Variants in SDHA observed in about 807,000 individuals in gnomAD.
The protein encoded by SDHA is succinate dehydrogenase [ubiquinone] flavoprotein subunit, mitochondrial.
In SDHA, 48 loss-of-function variants were observed where a neutral mutation model predicts 78.4. The observed-to-expected ratio is 0.61, with a 90% CI of 0.49 to 0.78. The LOEUF (loss-of-function observed/expected upper bound fraction) is 0.78, where lower values mean the gene tolerates loss of function less well. Ranked by LOEUF, SDHA falls within the 30% of genes least tolerant of loss-of-function variation. The pLI is 0.00. For missense variants in SDHA, 680 were observed against 892.7 expected (o/e 0.76, Z 3.04); for synonymous variants, 326 against 353.9 (o/e 0.92, Z 0.88).
At chr5:267,871 T>C in the SDHA span, among the ~76,000 whole-genome samples, 1 of 152,268 alleles carries the variant, frequency 6.6e-6, no homozygotes, top group East Asian at 1.9e-4. Context: ...TGGGAGATGA[T>C]CTCTCTTTTT....
intron 11 of SDHA, among the ~76,000 whole-genome samples, chr5:243,819 T>C (rs775997099): frequency 3.9e-5 from 6 of 152,084 alleles, no homozygotes; most frequent in Non-Finnish European, 7.4e-5. Flanking sequence ...GTATCAGAGG[T>C]ACTCTGCATA....
chr5:247,431 A>C (rs1736531200), intron 11 of SDHA, among the ~76,000 whole-genome samples: 1 of 152,242 alleles, frequency 6.6e-6, no homozygotes, highest in Admixed American at 6.5e-5. Context: ...CCTAGTTGCT[A>C]CTGCAATATC....
intron 1 of SDHA, among the ~76,000 whole-genome samples, chr5:222,914 C>T (rs775983203): frequency 2.6e-5 from 4 of 152,160 alleles, no homozygotes; most frequent in South Asian, 2.1e-4. Context: ...AGTGTGCATC[C>T]GACATCCTCC....
intron 10 of SDHA, among the ~76,000 whole-genome samples, chr5:239,349 G>T (rs10076655): frequency 6.6e-6 from 1 of 151,930 alleles, no homozygotes; most frequent in African/African-American, 2.4e-5. Context: ...GCTCACCTGA[G>T]GTCAGGAGTT....
chr5:251,942 A>C, intron 13 of SDHA: 1 of 343,096 alleles, frequency 2.9e-6, no homozygotes, highest in Non-Finnish European at 5.7e-6. Flanking sequence ...TGTGGAGGAA[A>C]TGCCAGTTTA....
At position 256,568 on chromosome 5, in the gene SDHA, GAGCTTGCCAGGAACCCA is replaced by G. The variant is rs1294182560; in HGVS notation, c.*149_*165del. On this transcript the variant is annotated 3_prime_UTR_variant, in exon 15 of 15. Coordinates refer to ENST00000264932, the MANE Select transcript of SDHA (RefSeq NM_004168.4). ...AGGGAGATTGGCACCTAGTGGCTGG[GAGCTTGCCAGGAACCCA>G]GTGGCCAGGGAGCGTGGCACTTACC... 7 of 735,766 alleles carry G rather than the reference GAGCTTGCCAGGAACCCA, an allele frequency of 9.5e-6. No individual in the cohort carries two copies. In the Middle Eastern group the frequency reaches 1.4e-3, roughly 142 times the overall value. 45.6% of individuals were successfully genotyped at this position (735,766 alleles called of 1,614,324 possible).
At chr5:240,630 G>A (rs1483835046) in intron 11 of SDHA, among the ~76,000 whole-genome samples, 154 bp downstream of exon 11, 10 of 152,210 alleles carry the variant, frequency 6.6e-5, no homozygotes, top group African/African-American at 1.9e-4. Context: ...TCATGTACCC[G>A]TCACACAAGT....
chr5:224,966 G>A, intron 3 of SDHA: 1 of 337,520 alleles, frequency 3.0e-6, no homozygotes, highest in Non-Finnish European at 5.6e-6. Flanking sequence ...TGGGGTACAG[G>A]GGAGTGCGAC....
rs1279943376 is a variant in SDHA, at chr5:256,807, T to C, written c.*387T>C. 3.6e-6 allele frequency: 1 copy of C among 274,300 alleles called. No homozygotes were observed. The highest frequency in any genetic ancestry group is 6.8e-6 in the Non-Finnish European group (1 of 146,278). 17.0% of individuals were successfully genotyped at this position (274,300 alleles called of 1,614,324 possible). On this transcript the variant is annotated 3_prime_UTR_variant, in exon 15 of 15. Transcript: ENST00000264932. ...ATCAAAATCCAGATATTTTGTATAG[T>C]TTCTTTTTTCTTTTTCTTTTCTTTT...
At position 244,921 on chromosome 5, in the gene SDHA, G is replaced by A. The variant is rs146758940; in HGVS notation, c.1551+4445G>A. Among the ~76,000 whole-genome samples the A allele has an allele frequency of 2.6e-3, 389 of 152,276 alleles. 1 individual carries two copies. Among genetic ancestry groups the A allele is most frequent in the African/African-American group, 8.9e-3 (371 of 41,552 alleles). Reference sequence around the variant, plus strand: ...GGGGTATGTCCCTGGTATGGGACTAGGAAAAAATTTGCAGGGTTTGAAAGA... The same window carrying A: ...GGGGTATGTCCCTGGTATGGGACTAAGAAAAAATTTGCAGGGTTTGAAAGA... On this transcript the variant is annotated intron_variant, in intron 11 of 14. Coordinates refer to ENST00000264932, the MANE Select transcript of SDHA (RefSeq NM_004168.4).
chr5:262,256 CA>C, the SDHA span, among the ~76,000 whole-genome samples: 8 of 124,470 alleles, frequency 6.4e-5, no homozygotes, highest in African/African-American at 1.8e-4. Context: ...CGCCTCCCGT[CA>C]CAGCATTACC....
chr5:253,308 C>G (rs1350211537), intron 13 of SDHA, among the ~76,000 whole-genome samples: 1 of 152,180 alleles, frequency 6.6e-6, no homozygotes, highest in East Asian at 1.9e-4. Context: ...CTGATTTACC[C>G]TCCACTAGAA....
chr5:220,306 T>C, intron 1 of SDHA: 1 of 440,796 alleles, frequency 2.3e-6, no homozygotes, highest in Non-Finnish European at 4.5e-6. Context: ...ACCAAGAAAC[T>C]TCAATAGTTA....
rs1344158209 is a variant in SDHA, at chr5:235,430, A to G, written c.1260+91A>G. The G allele has an allele frequency of 6.4e-6, 8 of 1,259,562 alleles. No individual in the cohort carries two copies. In the East Asian group the frequency reaches 1.7e-4, roughly 26 times the overall value. 78.0% of individuals were successfully genotyped at this position (1,259,562 alleles called of 1,614,324 possible). On this transcript the variant is annotated intron_variant, in intron 9 of 14. Transcript: ENST00000264932. ...TTGTCTCTTTAGATCTTACAGGAAA[A>G]GATAGATGTTTCCTTCAAGAAAGTA...
chr5:250,877 T>C (rs1736776206), intron 11 of SDHA, 115 bp from the exon 12 acceptor site: 1 of 915,610 alleles, frequency 1.1e-6, no homozygotes, highest in Admixed American at 1.9e-5. Context: ...AATTTTTCTG[T>C]TTAATTTATG....
intron 2 of SDHA, 104 bp downstream of exon 2, chr5:223,672 T>A (rs959054463): frequency 3.8e-6 from 3 of 789,402 alleles, no homozygotes; most frequent in African/African-American, 3.4e-5. Context: ...AAGGGAAAAA[T>A]TTCTCATAGG....
At chr5:228,139 A>C in intron 5 of SDHA, 46 bp from the exon 6 acceptor site, 1 of 1,602,890 alleles carries the variant, frequency 6.2e-7, no homozygotes, top group Non-Finnish European at 8.5e-7. Context: ...TAAAACCTTA[A>C]AGTTTGGCTT....
intron 13 of SDHA, among the ~76,000 whole-genome samples, chr5:253,457 T>A (rs1736981780): frequency 6.6e-6 from 1 of 152,162 alleles, no homozygotes; most frequent in African/African-American, 2.4e-5. Context: ...TTTTATTTTT[T>A]TGAGAAGGAA....
chr5:234,740 C>T (rs1735655988), intron 8 of SDHA: 1 of 303,756 alleles, frequency 3.3e-6, no homozygotes, highest in Non-Finnish European at 6.5e-6. Flanking sequence ...TGCAAATACT[C>T]TCCCATTTTA....
Sources: allele counts gnomAD v4.1 joint callset (sites outside exome capture counted in the v4.1 genomes callset), GRCh38; gene constraint gnomAD v4.1.1; transcripts MANE v1.5; gene names NCBI Gene and HGNC (gene_info 2026-07-23, HGNC 2026-07-21).